CNPY3: variants seen among roughly 807,000 people sequenced by gnomAD.
The protein encoded by CNPY3 is protein canopy homolog 3.
CNPY3 carries 20 observed loss-of-function variants against 32.0 expected under a neutral mutation model. The observed-to-expected ratio is 0.63, with a 90% confidence interval of 0.44 to 0.91. The LOEUF (loss-of-function observed/expected upper bound fraction) is 0.91, where lower values mean the gene tolerates loss of function less well. Ranked by LOEUF, CNPY3 falls within the 40% of genes least tolerant of loss-of-function variation. The pLI is 0.00. For synonymous variants in CNPY3, 138 were observed against 142.9 expected, an observed-to-expected ratio of 0.97 and a Z score of 0.24; for missense variants, 299 against 340.8, an observed-to-expected ratio of 0.88 and a Z score of 0.97.
At position 42,935,564 on chromosome 6, in the gene CNPY3, G is replaced by A; in HGVS notation, c.276-10G>A. The A allele has an allele frequency of 6.2e-7, 1 of 1,604,982 alleles. No individual in the cohort carries two copies. The highest frequency in any genetic ancestry group is 8.5e-7 in the Non-Finnish European group (1 of 1,172,452). On this transcript the variant is annotated splice_polypyrimidine_tract_variant and intron_variant, in intron 2 of 5. Coordinates refer to ENST00000372836, the MANE Select transcript of CNPY3 (RefSeq NM_006586.5). ...GGGGAACTCAGTTCCTCATCCTCCT[G>A]TCTTGGCAGGGACTTGCGGTTAATC...
At chr6:42,934,676 C>G in intron 2 of CNPY3, 78 bp downstream of exon 2, 2 of 1,588,138 alleles carry the variant, frequency 1.3e-6, no homozygotes, top group South Asian at 2.2e-5. Flanking sequence ...CTTCTCCTAG[C>G]TAGGCAAACC....
Position 42,929,668 on chromosome 6 carries a change from G to A in CNPY3, c.98G>A (p.Ser33Asn), listed in dbSNP as rs1242472696. The A allele has an allele frequency of 8.4e-6, 13 of 1,552,918 alleles. 1 individual carries two copies. The Middle Eastern group carries it at 8.7e-4, about 104-fold the overall frequency. Residue 33 changes from serine to asparagine, a missense_variant, in exon 1 of 6, where the codon AGC becomes AAC. Physicochemically the swap from Ser to Asn is conservative, Grantham distance 46. Coordinates refer to ENST00000372836, the MANE Select transcript of CNPY3 (RefSeq NM_006586.5). ...CTGCCGGCCCCGGAGCTGGGCCCGA[G>A]CCAGGCCGGAGCTGAGGAGAACGAC... ...LLLPAPELGP[S>N]QAGAEENDWV...
intron 1 of CNPY3, among the ~76,000 whole-genome samples, chr6:42,930,412 G>A (rs1206643492): frequency 1.3e-5 from 2 of 152,282 alleles, no homozygotes; most frequent in Non-Finnish European, 2.9e-5. Flanking sequence ...GTGGGTGTGT[G>A]TGAGGAGGAG....
intron 1 of CNPY3, among the ~76,000 whole-genome samples, chr6:42,931,304 G>A (rs1305720114): frequency 3.4e-5 from 5 of 148,616 alleles, no homozygotes; most frequent in South Asian, 2.1e-4. Flanking sequence ...TTGGCTCACC[G>A]CAACCTCCAG....
chr6:42,932,733 A>ACC (rs1767924290), intron 1 of CNPY3, among the ~76,000 whole-genome samples: 1 of 152,210 alleles, frequency 6.6e-6, no homozygotes, highest in African/African-American at 2.4e-5. Context: ...TCCCCAGTTC[A>ACC]TTGCAGACTT....
rs1157903419 is a variant in CNPY3 at position 42,935,722 on chromosome 6, C to T, written c.372+52C>T. 10 of 1,561,308 alleles carry T rather than the reference C, an allele frequency of 6.4e-6. No homozygotes were observed. The African/African-American group carries it at 1.1e-4, about 17-fold the overall frequency. ...GCTCTGGGGTCAGGCCTGCATGTATCTTAGTGTGTCTGCTGGTGTGAGTGT... is the reference window on the plus strand; with the variant it reads ...GCTCTGGGGTCAGGCCTGCATGTATTTTAGTGTGTCTGCTGGTGTGAGTGT... On this transcript the variant is annotated intron_variant, in intron 3 of 5. Coordinates refer to ENST00000372836, the MANE Select transcript of CNPY3 (RefSeq NM_006586.5).
intron 2 of CNPY3, chr6:42,935,288 AT>A (rs1768137814): frequency 2.9e-6 from 1 of 349,834 alleles, no homozygotes; most frequent in South Asian, 1.2e-4. Flanking sequence ...AGAGAATGAT[AT>A]TTTACTATCA....
chr6:42,936,692 C>T (rs1325064319), intron 3 of CNPY3, among the ~76,000 whole-genome samples: 1 of 152,138 alleles, frequency 6.6e-6, no homozygotes, highest in Non-Finnish European at 1.5e-5. Context: ...CCGACCACCA[C>T]GCCCGACTAA....
intron 2 of CNPY3, 40 bp downstream of exon 2, chr6:42,934,638 G>A: frequency 6.2e-7 from 1 of 1,611,570 alleles, no homozygotes; most frequent in Non-Finnish European, 8.5e-7. Flanking sequence ...CTGCGTTGCT[G>A]CTGGAGGCTT....
Position 42,939,192 on chromosome 6 carries a change from C to T in CNPY3, c.*401C>T. Reference sequence around the variant, plus strand: ...CCCCCTGTAGCTCCTCTCTGCTTACCCCTCCTGTGGACACCTTGCACTCTG... The same window carrying T: ...CCCCCTGTAGCTCCTCTCTGCTTACTCCTCCTGTGGACACCTTGCACTCTG... On this transcript the variant is annotated 3_prime_UTR_variant, in exon 6 of 6. Coordinates refer to ENST00000372836, the MANE Select transcript of CNPY3 (RefSeq NM_006586.5). 2.0e-6 allele frequency: 2 copies of T among 1,011,472 alleles called. No homozygotes were observed. Among genetic ancestry groups the T allele is most frequent in the Non-Finnish European group, 1.2e-6 (1 of 847,482 alleles). 62.7% of individuals were successfully genotyped at this position (1,011,472 alleles called of 1,614,324 possible). A position where few individuals can be genotyped will look rare whatever the true frequency, so the allele number is the denominator to read the frequency against.
chr6:42,930,907 T>TA (rs1491232375), intron 1 of CNPY3, among the ~76,000 whole-genome samples: 7 of 151,654 alleles, frequency 4.6e-5, no homozygotes, highest in South Asian at 2.1e-4. Flanking sequence ...TTTTTTTTTT[T>TA]ATGAGACTGT....
chr6:42,934,654 G>T, intron 2 of CNPY3, 56 bp downstream of exon 2: 2 of 1,605,760 alleles, frequency 1.2e-6, no homozygotes, highest in Non-Finnish European at 1.7e-6. Flanking sequence ...GGCTTCAGGG[G>T]TTTGGAGTTC....
Position 42,939,004 on chromosome 6 carries a change from C to T in CNPY3, c.*213C>T. 1.5e-6 allele frequency: 2 copies of T among 1,343,160 alleles called. No individual in the cohort carries two copies. Among genetic ancestry groups the T allele is most frequent in the Non-Finnish European group, 1.9e-6 (2 of 1,047,334 alleles). 83.2% of individuals were successfully genotyped at this position (1,343,160 alleles called of 1,614,324 possible). The stretch of plus-strand genomic sequence containing the variant: ...CTTTCCCCTCCCCAAGTGTTTCTCT[C>T]CTGACCCAGGGTTCAGGCAGGCCTT... On this transcript the variant is annotated 3_prime_UTR_variant, in exon 6 of 6. Coordinates refer to ENST00000372836, the MANE Select transcript of CNPY3 (RefSeq NM_006586.5).
Position 42,934,527 on chromosome 6 carries a change from G to A in CNPY3, c.204G>A (p.Lys68=), listed in dbSNP as rs774004196. 15 of 1,614,018 alleles carry A rather than the reference G, an allele frequency of 9.3e-6. No homozygotes were observed. In the South Asian group the frequency reaches 1.6e-4, roughly 18 times the overall value. Residue 68 remains lysine (K), a synonymous_variant, in exon 2 of 6, where the codon AAG becomes AAA. Coordinates refer to ENST00000372836, the MANE Select transcript of CNPY3 (RefSeq NM_006586.5). ...AGTCAGCCTTTGAGGAAACCGGCAA[G>A]ACCAAGGAGGTGATTGGCACGGGCT... The part of the protein sequence containing the change: ...ELKSAFEETG[K]TKEVIGTGYG...
intron 5 of CNPY3, 115 bp downstream of exon 5, chr6:42,938,322 C>T (rs964756286): frequency 1.1e-5 from 10 of 875,932 alleles, no homozygotes; most frequent in Non-Finnish European, 1.7e-5. Flanking sequence ...GGATCTCTGC[C>T]CTTGAAAGGC....
chr6:42,933,974 C>T (rs141932031), intron 1 of CNPY3, among the ~76,000 whole-genome samples: 3 of 152,212 alleles, frequency 2.0e-5, no homozygotes, highest in East Asian at 3.9e-4. Flanking sequence ...AGTTCAAGAC[C>T]AGCCTACCCA....
Position 42,938,844 on chromosome 6 carries a change from A to G in CNPY3, c.*53A>G. Reference sequence around the variant, plus strand: ...CCCCTGATTTTGAAGCTGAGGAGTCAGGGGCATGGCTCTGGCAGGCCGGGA... The same window carrying G: ...CCCCTGATTTTGAAGCTGAGGAGTCGGGGGCATGGCTCTGGCAGGCCGGGA... On this transcript the variant is annotated 3_prime_UTR_variant, in exon 6 of 6. Transcript: ENST00000372836. 1 of 1,506,028 alleles carries G rather than the reference A, an allele frequency of 6.6e-7. No homozygotes were observed. Among genetic ancestry groups the G allele is most frequent in the Non-Finnish European group, 8.9e-7 (1 of 1,122,050 alleles). 93.3% of individuals were successfully genotyped at this position (1,506,028 alleles called of 1,614,324 possible). A position where few individuals can be genotyped will look rare whatever the true frequency, so the allele number is the denominator to read the frequency against.
At chr6:42,936,286 C>T (rs1010549639) in intron 3 of CNPY3, among the ~76,000 whole-genome samples, 1 of 150,642 alleles carries the variant, frequency 6.6e-6, no homozygotes, top group African/African-American at 2.5e-5. Flanking sequence ...TCCTGGGATA[C>T]CTAAGGGAAT....
intron 1 of CNPY3, among the ~76,000 whole-genome samples, chr6:42,933,751 T>G (rs1296459849): frequency 1.3e-5 from 2 of 152,232 alleles, no homozygotes; most frequent in Non-Finnish European, 1.5e-5. Context: ...GAAATGTATA[T>G]ATTGTTGAGA....
Sources: allele counts gnomAD v4.1 joint callset (sites outside exome capture counted in the v4.1 genomes callset), GRCh38; gene constraint gnomAD v4.1.1; transcripts MANE v1.5; gene names NCBI Gene and HGNC (gene_info 2026-07-23, HGNC 2026-07-21).